The following ARHGAP24 variants were observed in gnomAD, a reference collection of about 807,000 sequenced individuals.
The protein encoded by ARHGAP24 is rho GTPase-activating protein 24.
A neutral mutation model predicts 76.4 loss-of-function variants in ARHGAP24; 50 were observed. That is an observed-to-expected ratio of 0.65 (90% CI 0.52 to 0.83). The LOEUF is 0.83. Ranked by LOEUF, ARHGAP24 falls within the 40% of genes least tolerant of loss-of-function variation. ARHGAP24 has a pLI of 0.00. For missense variants in ARHGAP24, 930 were observed against 914.2 expected, an observed-to-expected ratio of 1.02 and a Z score of -0.22; for synonymous variants, 345 against 323.3, an observed-to-expected ratio of 1.07 and a Z score of -0.72.
intron 1 of ARHGAP24, among the ~76,000 whole-genome samples, chr4:85,478,230 A>G (rs1018904867): frequency 1.3e-5 from 2 of 152,228 alleles, no homozygotes; most frequent in African/African-American, 4.8e-5. Context: ...GCCATGGCTA[A>G]AGGACTAAGA....
At chr4:85,762,338 T>G (rs948896575) in intron 3 of ARHGAP24, among the ~76,000 whole-genome samples, 1 of 152,142 alleles carries the variant, frequency 6.6e-6, no homozygotes, top group Non-Finnish European at 1.5e-5. Context: ...GTACAGAAAA[T>G]CATATGATAC....
At chr4:85,901,702 A>G (rs1489571992) in intron 3 of ARHGAP24, among the ~76,000 whole-genome samples, 1 of 152,194 alleles carries the variant, frequency 6.6e-6, no homozygotes, top group African/African-American at 2.4e-5. Context: ...AGAATGTTCA[A>G]CTTGCAACCA....
intron 3 of ARHGAP24, among the ~76,000 whole-genome samples, chr4:85,857,497 T>C (rs1731647867): frequency 1.3e-5 from 2 of 152,180 alleles, no homozygotes; most frequent in Admixed American, 6.5e-5. Flanking sequence ...AGATCAATTA[T>C]TATGTATTTT....
intron 2 of ARHGAP24, among the ~76,000 whole-genome samples, chr4:85,720,601 C>T (rs923938914): frequency 2.6e-5 from 4 of 152,172 alleles, no homozygotes; most frequent in Non-Finnish European, 5.9e-5. Context: ...AGAAATATTA[C>T]TCCGATATTC....
intron 3 of ARHGAP24, among the ~76,000 whole-genome samples, chr4:85,878,769 C>T (rs1733078516): frequency 6.6e-6 from 1 of 152,140 alleles, no homozygotes; most frequent in African/African-American, 2.4e-5. Context: ...CCAGTTATGT[C>T]CATTAAGAGA....
chr4:85,564,924 G>GTATATATATATA (rs3028011), intron 1 of ARHGAP24, among the ~76,000 whole-genome samples: 29 of 53,246 alleles, frequency 5.4e-4, no homozygotes, highest in South Asian at 1.0e-3. Context: ...AACACACACG[G>GTATATATATATA]TATATATATA....
intron 3 of ARHGAP24, among the ~76,000 whole-genome samples, chr4:85,870,357 C>T (rs914347262): frequency 2.0e-5 from 3 of 152,062 alleles, no homozygotes; most frequent in South Asian, 2.1e-4. Context: ...AGTAGCAGAA[C>T]TCATTCATTA....
chr4:85,904,875 G>C (rs1734687099), intron 3 of ARHGAP24, among the ~76,000 whole-genome samples: 1 of 152,174 alleles, frequency 6.6e-6, no homozygotes, highest in Admixed American at 6.5e-5. Flanking sequence ...ATTAAAATTT[G>C]CAAGTAAATG....
Position 85,994,881 on chromosome 4 carries a change from G to T in ARHGAP24, c.1227G>T (p.Lys409Asn). ...ACAGCCCAAAGAACAGTGTTCACAA[G>T]CTAGATGTGTCTAGAAGCCCCCCTC... ...KTNSPKNSVH[K>N]LDVSRSPPLM... is the part of the protein sequence containing the mutation. Residue 409 changes from lysine (K) to asparagine (N), a missense_variant, in exon 9 of 10, where the codon AAG becomes AAT. Transcript: ENST00000395184. 1 of 1,614,088 alleles carries T rather than the reference G, an allele frequency of 6.2e-7. No homozygotes were observed. Among genetic ancestry groups the T allele is most frequent in the Non-Finnish European group, 8.5e-7 (1 of 1,180,026 alleles).
At chr4:85,678,745 A>G (rs1053926667) in intron 2 of ARHGAP24, among the ~76,000 whole-genome samples, 12 of 152,180 alleles carry the variant, frequency 7.9e-5, no homozygotes, top group African/African-American at 2.7e-4. Context: ...ATTCTGACTG[A>G]CAATAAAAAC....
chr4:85,773,741 A>G (rs567804223), intron 3 of ARHGAP24, among the ~76,000 whole-genome samples: 2 of 152,314 alleles, frequency 1.3e-5, no homozygotes, highest in Admixed American at 1.3e-4. Flanking sequence ...AAGGAAGAAG[A>G]AAAGAATTTT....
Position 85,590,292 on chromosome 4 carries a change from C to T in ARHGAP24, c.180+19571C>T, listed in dbSNP as rs547348679. 2.5e-4 allele frequency among the ~76,000 whole-genome samples: 37 copies of T among 145,460 alleles called. No individual in the cohort carries two copies. In the East Asian group the frequency reaches 6.8e-3, roughly 27 times the overall value. On this transcript the variant is annotated intron_variant, in intron 2 of 9. Coordinates refer to ENST00000395184, the MANE Select transcript of ARHGAP24 (RefSeq NM_001025616.3). The stretch of plus-strand genomic sequence containing the variant: ...CCCTCCCACCCTTCCTTCCTTCCTT[C>T]TTTCCTTCCCTTCCCTTCCTTTCCT...
chr4:85,591,528 A>T (rs774782731), intron 2 of ARHGAP24, among the ~76,000 whole-genome samples: 1 of 152,190 alleles, frequency 6.6e-6, no homozygotes, highest in Non-Finnish European at 1.5e-5. Flanking sequence ...CTCAACTCTA[A>T]TGTCAACATA....
At chr4:85,702,715 A>G (rs1250554562) in intron 2 of ARHGAP24, among the ~76,000 whole-genome samples, 3 of 152,084 alleles carry the variant, frequency 2.0e-5, no homozygotes, top group African/African-American at 7.2e-5. Context: ...GTGAGTTTTG[A>G]TGTCCTGTAA....
At chr4:85,733,060 C>CTTTTTTTTTATTT (rs1725471081) in intron 3 of ARHGAP24, among the ~76,000 whole-genome samples, 1 of 55,206 alleles carries the variant, frequency 1.8e-5, no homozygotes. Context: ...GCCTCACCAA[C>CTTTTTTTTTATTT]TTTTTTTTTT....
At chr4:85,962,327 C>G (rs955236652) in intron 5 of ARHGAP24, among the ~76,000 whole-genome samples, 3 of 152,030 alleles carry the variant, frequency 2.0e-5, no homozygotes, top group Non-Finnish European at 2.9e-5. Flanking sequence ...AACTCATTAT[C>G]TATAGAATCT....
chr4:85,971,020 A>G (rs1177456213), intron 5 of ARHGAP24, among the ~76,000 whole-genome samples: 1 of 152,222 alleles, frequency 6.6e-6, no homozygotes, highest in Non-Finnish European at 1.5e-5. Flanking sequence ...GGATACAAAT[A>G]AATTATTCAA....
At chr4:85,762,058 C>A (rs1560620542) in intron 3 of ARHGAP24, among the ~76,000 whole-genome samples, 1 of 152,164 alleles carries the variant, frequency 6.6e-6, no homozygotes, top group Non-Finnish European at 1.5e-5. Flanking sequence ...ATTGCACCAC[C>A]AGTAAGTATA....
chr4:85,809,521 T>A (rs929479990), intron 3 of ARHGAP24, among the ~76,000 whole-genome samples: 1 of 152,208 alleles, frequency 6.6e-6, no homozygotes, highest in Non-Finnish European at 1.5e-5. Flanking sequence ...CGGAATATAT[T>A]AATGCCTATA....
Sources: allele counts gnomAD v4.1 joint callset (sites outside exome capture counted in the v4.1 genomes callset), GRCh38; gene constraint gnomAD v4.1.1; transcripts MANE v1.5; gene names NCBI Gene and HGNC (gene_info 2026-07-23, HGNC 2026-07-21).